Variants in TRIM38 observed in about 807,000 individuals in gnomAD.
The protein encoded by TRIM38 is E3 ubiquitin-protein ligase TRIM38.
Under a neutral mutation model 35.8 loss-of-function variants are expected in TRIM38, and 35 were observed. The ratio of observed to expected loss-of-function variants is 0.98; its 90% confidence interval spans 0.75 to 1.30. The LOEUF is 1.30. TRIM38 is among the 50% of genes most tolerant of loss of function. TRIM38 has a pLI of 0.00. For missense variants in TRIM38, 545 were observed against 556.9 expected (o/e 0.98, Z 0.21); for synonymous variants, 198 against 204.7 (o/e 0.97, Z 0.28).
intron 4 of TRIM38, among the ~76,000 whole-genome samples, chr6:25,970,084 AT>A (rs1451163557): frequency 6.6e-6 from 1 of 151,902 alleles, no homozygotes; most frequent in Non-Finnish European, 1.5e-5. Context: ...TGCCTGGCTA[AT>A]TTTTTGTATT....
intron 7 of TRIM38, 28 bp downstream of exon 7, chr6:25,973,313 C>A (rs1760297669): frequency 6.2e-7 from 1 of 1,608,370 alleles, no homozygotes; most frequent in South Asian, 1.1e-5. Flanking sequence ...TTCCTGAATA[C>A]TGTGGATAGA....
chr6:25,976,128 T>C (rs1208486948), intron 7 of TRIM38, among the ~76,000 whole-genome samples: 9 of 152,324 alleles, frequency 5.9e-5, no homozygotes, highest in African/African-American at 2.2e-4. Flanking sequence ...GCATTTTTGC[T>C]TTATAGAGGA....
In TRIM38 at chr6:25,990,471, G is replaced by GCT. The variant is rs1217448845; in HGVS notation, c.*6786_*6787dup. Reference sequence around the variant, plus strand: ...CTACAGGCACGCACCACCACACATGGCTCATTTTTTTGTATTGAGACAGGG... The same window carrying GCT: ...CTACAGGCACGCACCACCACACATGGCTCTCATTTTTTTGTATTGAGACAGGG... On this transcript the variant is annotated 3_prime_UTR_variant, in exon 8 of 8. Transcript: ENST00000357085. 2 of 151,104 alleles carry GCT rather than the reference G, an allele frequency of 1.3e-5. No homozygotes were observed. Among genetic ancestry groups the GCT allele is most frequent in the African/African-American group, 4.9e-5 (2 of 41,048 alleles). The allele number at this position is 151,104 out of a possible 1,614,324, so 9.4% of individuals were successfully genotyped here. A position where few individuals can be genotyped will look rare whatever the true frequency, so the allele number is the denominator to read the frequency against.
intron 7 of TRIM38, chr6:25,975,098 T>G (rs1760353134): frequency 6.4e-6 from 6 of 934,582 alleles, no homozygotes; most frequent in Non-Finnish European, 7.7e-6. Flanking sequence ...AGTGGTGCGA[T>G]CTCGGCTCAC....
Position 25,983,652 on chromosome 6 carries a change from T to G in TRIM38, c.1363T>G (p.Tyr455Asp). 2 of 1,607,566 alleles carry G rather than the reference T, an allele frequency of 1.2e-6. No homozygotes were observed. Among genetic ancestry groups the G allele is most frequent in the Non-Finnish European group, 1.7e-6 (2 of 1,177,256 alleles). The change falls in exon 8 of 8, where the codon TAT becomes GAT. Residue 455 changes from tyrosine (Y) to aspartate (D), a missense_variant. Coordinates refer to ENST00000357085, the MANE Select transcript of TRIM38 (RefSeq NM_006355.5). ...TLRPYFQVYQYSPLFLPPPGD is the reference protein window; with the variant it reads ...TLRPYFQVYQDSPLFLPPPGD ...CCGGCCCTATTTCCAGGTTTATCAATATTCTCCTTTGTTTCTGCCTCCCCC... is the reference window on the plus strand; with the variant it reads ...CCGGCCCTATTTCCAGGTTTATCAAGATTCTCCTTTGTTTCTGCCTCCCCC...
chr6:25,990,439 G>T lies in TRIM38; in HGVS notation c.*6752G>T, dbSNP rs752627386. The stretch of plus-strand genomic sequence containing the variant: ...TCCTCCCACCTCAGCCTCCAGAATG[G>T]CTGGGACTACAGGCACGCACCACCA... On this transcript the variant is annotated 3_prime_UTR_variant, in exon 8 of 8. Transcript: ENST00000357085. 2 of 152,044 alleles carry T rather than the reference G, an allele frequency of 1.3e-5. No homozygotes were observed. The highest frequency in any genetic ancestry group is 2.9e-5 in the Non-Finnish European group (2 of 68,070). The allele number at this position is 152,044 out of a possible 1,614,324, so 9.4% of individuals were successfully genotyped here.
intron 2 of TRIM38, among the ~76,000 whole-genome samples, chr6:25,963,546 G>T (rs1186150120): frequency 1.3e-5 from 2 of 152,084 alleles, no homozygotes; most frequent in African/African-American, 4.8e-5. Flanking sequence ...TCTTTATGTT[G>T]CAATCACTCT....
intron 7 of TRIM38, chr6:25,975,532 T>C (rs1351791601): frequency 2.4e-6 from 2 of 847,292 alleles, no homozygotes; most frequent in Non-Finnish European, 2.8e-6. Flanking sequence ...ATAAATTTTA[T>C]TTTTATTTTT....
rs1760798811 is a variant in TRIM38 at position 25,989,816 on chromosome 6, T to C, written c.*6129T>C. ...TGGTTTTCTTTTTTTAAATAAAAAT[T>C]TAAGACATTTTATAACTGGCCAAAT... On this transcript the variant is annotated 3_prime_UTR_variant, in exon 8 of 8. Transcript: ENST00000357085. 1 of 152,114 alleles carries C rather than the reference T, an allele frequency of 6.6e-6. No individual in the cohort carries two copies. The highest frequency in any genetic ancestry group is 1.5e-5 in the Non-Finnish European group (1 of 68,032). 9.4% of individuals were successfully genotyped at this position (152,114 alleles called of 1,614,324 possible).
intron 2 of TRIM38, among the ~76,000 whole-genome samples, chr6:25,964,532 A>G (rs1434987106): frequency 6.6e-6 from 1 of 152,186 alleles, no homozygotes; most frequent in Admixed American, 6.5e-5. Flanking sequence ...GTCTGGTTAC[A>G]TTCTTAGTCC....
chr6:25,974,901 A>G (rs1342804638), intron 7 of TRIM38: 1 of 985,336 alleles, frequency 1.0e-6, no homozygotes, highest in Non-Finnish European at 1.2e-6. Context: ...CATCCTATAC[A>G]GATGACAGGA....
Position 25,983,702 on chromosome 6 carries a change from G to C in TRIM38, c.*15G>C. The C allele has an allele frequency of 2.6e-6, 4 of 1,553,638 alleles. No homozygotes were observed. The highest frequency in any genetic ancestry group is 1.7e-6 in the Non-Finnish European group (2 of 1,155,898). On this transcript the variant is annotated 3_prime_UTR_variant, in exon 8 of 8. Transcript: ENST00000357085. ...CAGGTGACTAAGGAAAAGAGCAGAAGCTCCTTGGTTTAACCAGCACAGAGA... is the reference window on the plus strand; with the variant it reads ...CAGGTGACTAAGGAAAAGAGCAGAACCTCCTTGGTTTAACCAGCACAGAGA...
Position 25,990,976 on chromosome 6 carries a change from G to A in TRIM38, c.*7289G>A, listed in dbSNP as rs1454214263. On this transcript the variant is annotated 3_prime_UTR_variant, in exon 8 of 8. Coordinates refer to ENST00000357085, the MANE Select transcript of TRIM38 (RefSeq NM_006355.5). Reference sequence around the variant, plus strand: ...TGTTTTTCTGATAGAGAATAGAAGAGTCCTTCAGGCCCCTCCAAACTGTCA... The same window carrying A: ...TGTTTTTCTGATAGAGAATAGAAGAATCCTTCAGGCCCCTCCAAACTGTCA... The A allele has an allele frequency of 6.6e-6, 1 of 152,164 alleles. No homozygotes were observed. The highest frequency in any genetic ancestry group is 2.4e-5 in the African/African-American group (1 of 41,442). 9.4% of individuals were successfully genotyped at this position (152,164 alleles called of 1,614,324 possible).
intron 7 of TRIM38, among the ~76,000 whole-genome samples, chr6:25,982,161 G>C (rs1023338787): frequency 6.6e-6 from 1 of 152,124 alleles, no homozygotes; most frequent in Admixed American, 6.6e-5. Flanking sequence ...GGCTTGGATG[G>C]AACCCAGGGC....
rs1431641461 is a variant in TRIM38 at position 25,983,633 on chromosome 6, C to T, written c.1344C>T (p.Pro448=). The change falls in exon 8 of 8, where the codon CCC becomes CCT. Residue 448 remains proline, a synonymous_variant. Coordinates refer to ENST00000357085, the MANE Select transcript of TRIM38 (RefSeq NM_006355.5). ...CTTCCTTCTCTGATACTCTCCGGCC[C>T]TATTTCCAGGTTTATCAATATTCTC... ...PKASFSDTLR[P]YFQVYQYSPL... 1.9e-6 allele frequency: 3 copies of T among 1,612,558 alleles called. No homozygotes were observed. Among genetic ancestry groups the T allele is most frequent in the Admixed American group, 1.7e-5 (1 of 59,758 alleles).
In TRIM38 at chr6:25,973,114, G is replaced by A. The variant is rs755932234; in HGVS notation, c.761+38G>A. On this transcript the variant is annotated intron_variant, in intron 6 of 7. Transcript: ENST00000357085. ...TGAATGCAGGAGGGGAGGGGTGTGC[G>A]TATATAGAAATGAATGGAATGCACC... 69 of 1,613,990 alleles carry A rather than the reference G, an allele frequency of 4.3e-5. No individual in the cohort carries two copies. In the East Asian group the frequency reaches 6.7e-4, roughly 16 times the overall value.
chr6:25,983,248 A>C lies in TRIM38; in HGVS notation c.959A>C (p.Gln320Pro), dbSNP rs1467408266. The C allele has an allele frequency of 1.2e-6, 2 of 1,614,078 alleles. No individual in the cohort carries two copies. Among genetic ancestry groups the C allele is most frequent in the East Asian group, 2.2e-5 (1 of 44,892 alleles). The change falls in exon 8 of 8, where the codon CAG becomes CCG. Residue 320 changes from glutamine (Q) to proline (P), a missense_variant. Gln to Pro is a moderately conservative substitution (Grantham distance 76). Coordinates refer to ENST00000357085, the MANE Select transcript of TRIM38 (RefSeq NM_006355.5). Reference protein sequence around the residue: ...DRRQVTRGYTQENQDTSSRRF... With the variant: ...DRRQVTRGYTPENQDTSSRRF... ...AGACAAGTGACTCGTGGATACACCC[A>C]GGAGAATCAGGACACATCTTCCAGG... is the stretch of plus-strand genomic sequence containing the variant.
At chr6:25,969,496 C>A in intron 4 of TRIM38, 76 bp downstream of exon 4, 2 of 1,228,822 alleles carry the variant, frequency 1.6e-6, no homozygotes, top group South Asian at 1.5e-5. Context: ...TGAGGAAAAG[C>A]ACAATGAGGA....
At chr6:25,974,907 C>T (rs1247482138) in intron 7 of TRIM38, 1 of 985,264 alleles carries the variant, frequency 1.0e-6, no homozygotes, top group East Asian at 1.1e-4. Context: ...ATACAGATGA[C>T]AGGAAGGAAG....
Sources: allele counts gnomAD v4.1 joint callset (sites outside exome capture counted in the v4.1 genomes callset), GRCh38; gene constraint gnomAD v4.1.1; transcripts MANE v1.5; gene names NCBI Gene and HGNC (gene_info 2026-07-23, HGNC 2026-07-21).